Variants in TEKTL1 observed in about 807,000 individuals in gnomAD.
The protein encoded by TEKTL1 is tektin-like protein 1.
the TEKTL1 span, chr19:15,013,800 T>C: frequency 3.3e-6 from 5 of 1,518,748 alleles, no homozygotes; most frequent in Non-Finnish European, 4.6e-6. Context: ...GTGGACAAGT[T>C]ACGGGGGCTG....
the TEKTL1 span, among the ~76,000 whole-genome samples, chr19:15,018,116 G>A: frequency 6.6e-6 from 1 of 152,190 alleles, no homozygotes; most frequent in Non-Finnish European, 1.5e-5. Context: ...ACTTTGGGAG[G>A]CTGAGGCGGG....
chr19:15,020,659 G>C, the TEKTL1 span: 49 of 1,612,086 alleles, frequency 3.0e-5, no homozygotes, highest in Non-Finnish European at 4.0e-5. Flanking sequence ...CTATAACCCA[G>C]GTAGGAGTCC....
the TEKTL1 span, chr19:15,013,572 CAG>C: frequency 1.2e-6 from 1 of 818,788 alleles, no homozygotes; most frequent in Non-Finnish European, 1.9e-6. Context: ...CCTTCAAACT[CAG>C]AGTTTATGAG....
chr19:15,017,519 G>C, the TEKTL1 span, among the ~76,000 whole-genome samples: 1 of 152,090 alleles, frequency 6.6e-6, no homozygotes, highest in Admixed American at 6.6e-5. Context: ...TGGTGGGAGG[G>C]GGGAACTCAG....
the TEKTL1 span, among the ~76,000 whole-genome samples, chr19:15,017,308 G>C: frequency 6.6e-6 from 1 of 152,118 alleles, no homozygotes; most frequent in African/African-American, 2.4e-5. Context: ...AGAGGAAAGG[G>C]GAGCCAGAGA....
chr19:15,014,740 G>GGGT, the TEKTL1 span, among the ~76,000 whole-genome samples: 1 of 124,902 alleles, frequency 8.0e-6, no homozygotes, highest in South Asian at 3.3e-4. Flanking sequence ...GCGGGGGGCG[G>GGGT]GGGCTGCTGA....
chr19:15,020,598 C>G, the TEKTL1 span: 80 of 1,614,122 alleles, frequency 5.0e-5, no homozygotes, highest in Non-Finnish European at 6.0e-5. Flanking sequence ...CCCGAGCCCC[C>G]ACTCCACGCA....
At chr19:15,015,730 A>G in the TEKTL1 span, among the ~76,000 whole-genome samples, 9,863 of 152,280 alleles carry the variant, frequency 0.065, 807 homozygotes, top group African/African-American at 0.2. Flanking sequence ...GGGAAGGAAC[A>G]GAACAGGTAA....
chr19:15,021,450 A>G, the TEKTL1 span: 1 of 1,614,208 alleles, frequency 6.2e-7, no homozygotes, highest in Non-Finnish European at 8.5e-7. Context: ...TCCGGGAGCA[A>G]CAGCTGCAGA....
chr19:15,010,943 G>T, the TEKTL1 span: 7 of 1,588,060 alleles, frequency 4.4e-6, no homozygotes, highest in Non-Finnish European at 6.0e-6. Flanking sequence ...CGATCGCTGC[G>T]GGCAGGAGGC....
the TEKTL1 span, chr19:15,021,614 A>G: frequency 6.8e-6 from 11 of 1,613,946 alleles, no homozygotes; most frequent in Non-Finnish European, 9.3e-6. Flanking sequence ...CCCTGCCCCC[A>G]GGAAAGATTA....
At chr19:15,020,859 T>A in the TEKTL1 span, among the ~76,000 whole-genome samples, 1 of 148,482 alleles carries the variant, frequency 6.7e-6, no homozygotes, top group African/African-American at 2.5e-5. Context: ...CGCTGAGGAC[T>A]CAGTCATTCA....
chr19:15,015,999 T>C, the TEKTL1 span, among the ~76,000 whole-genome samples: 1 of 152,124 alleles, frequency 6.6e-6, no homozygotes, highest in South Asian at 2.1e-4. Flanking sequence ...TGAATAAGCA[T>C]TGGACCTTGA....
chr19:15,011,303 G>C, the TEKTL1 span: 2 of 1,525,056 alleles, frequency 1.3e-6, no homozygotes, highest in Non-Finnish European at 1.8e-6. Context: ...CCAGCGCGAG[G>C]TCACCGACCA....
At chr19:15,014,791 C>T in the TEKTL1 span, among the ~76,000 whole-genome samples, 22 of 149,746 alleles carry the variant, frequency 1.5e-4, no homozygotes, top group Non-Finnish European at 1.5e-4. Context: ...TGCATATCTT[C>T]TGGCCGCTGT....
chr19:15,013,157 C>T, the TEKTL1 span, among the ~76,000 whole-genome samples: 1 of 152,130 alleles, frequency 6.6e-6, no homozygotes, highest in Non-Finnish European at 1.5e-5. Context: ...CAAATCCCCA[C>T]CCCAAAAGGT....
At chr19:15,022,748 G>A in the TEKTL1 span, 2 of 974,154 alleles carry the variant, frequency 2.1e-6, no homozygotes, top group African/African-American at 1.7e-5. Flanking sequence ...GGCACACCTG[G>A]CCCATTCAGA....
the TEKTL1 span, among the ~76,000 whole-genome samples, chr19:15,020,266 C>T: frequency 1.3e-5 from 2 of 151,218 alleles, no homozygotes; most frequent in African/African-American, 2.4e-5. Context: ...TATGGTGGCA[C>T]CACTGCACTC....
the TEKTL1 span, chr19:15,021,837 C>T: frequency 6.2e-7 from 1 of 1,613,978 alleles, no homozygotes; most frequent in African/African-American, 1.3e-5. Flanking sequence ...CTGGAGACCG[C>T]AGAAAAGCTG....
Sources: allele counts gnomAD v4.1 joint callset (sites outside exome capture counted in the v4.1 genomes callset), GRCh38; gene constraint gnomAD v4.1.1; transcripts MANE v1.5; gene names NCBI Gene and HGNC (gene_info 2026-07-23, HGNC 2026-07-21).